The following ANKFN1 variants were observed in gnomAD, a reference collection of about 807,000 sequenced individuals.
ANKFN1 encodes ankyrin repeat and fibronectin type-III domain-containing protein 1.
Under a neutral mutation model 108.7 loss-of-function variants are expected in ANKFN1, and 74 were observed. The observed-to-expected ratio is 0.68, with a 90% CI of 0.56 to 0.83. The LOEUF (loss-of-function observed/expected upper bound fraction) is 0.83. Ranked by LOEUF, ANKFN1 falls within the 40% of genes least tolerant of loss-of-function variation. The pLI, the probability that ANKFN1 is intolerant of heterozygous loss-of-function variation, is 0.00. For missense variants in ANKFN1, 1,505 were observed against 1,382.3 expected, an observed-to-expected ratio of 1.09 and a Z score of -1.41; for synonymous variants, 547 against 516.2, an observed-to-expected ratio of 1.06 and a Z score of -0.81.
Position 56,420,557 on chromosome 17 carries a change from C to A in ANKFN1, c.911-19770C>A, listed in dbSNP as rs114518076. ...CTAGGGTGCAGGTAATTGTGCATAA[C>A]CCTGGATACATCAATAGGAATTCAG... On this transcript the variant is annotated intron_variant, in intron 8 of 20. Coordinates refer to ENST00000682825, the MANE Select transcript of ANKFN1 (RefSeq NM_001370326.1). Among the ~76,000 whole-genome samples the A allele has an allele frequency of 4.6e-3, 696 of 152,100 alleles. 5 individuals are homozygous for A. Among genetic ancestry groups the A allele is most frequent in the African/African-American group, 0.016 (652 of 41,472 alleles).
At chr17:56,187,934 G>A (rs1290176047) in intron 1 of ANKFN1, among the ~76,000 whole-genome samples, 1 of 152,046 alleles carries the variant, frequency 6.6e-6, no homozygotes, top group African/African-American at 2.4e-5. Context: ...GCCTGTCGTG[G>A]GGTAGGGGGT....
At chr17:56,470,306 T>C (rs879698000) in intron 15 of ANKFN1, among the ~76,000 whole-genome samples, 11 of 152,242 alleles carry the variant, frequency 7.2e-5, no homozygotes, top group Admixed American at 4.6e-4. Flanking sequence ...ATATACCCAG[T>C]AATGGGATTG....
chr17:56,183,005 A>G (rs4263004), intron 1 of ANKFN1, among the ~76,000 whole-genome samples: 72,421 of 152,038 alleles, frequency 0.48, 17,443 homozygotes, highest in South Asian at 0.64. Context: ...TTTTAAGCCC[A>G]CTATTGAAAC....
intron 4 of ANKFN1, among the ~76,000 whole-genome samples, chr17:56,349,460 G>A (rs1486267226): frequency 1.3e-5 from 2 of 151,954 alleles, no homozygotes; most frequent in Middle Eastern, 3.4e-3. Context: ...TAAAGTCAAG[G>A]CGAATCAAAG....
intron 4 of ANKFN1, among the ~76,000 whole-genome samples, chr17:56,338,768 A>C (rs1156692326): frequency 6.6e-6 from 1 of 152,096 alleles, no homozygotes; most frequent in Non-Finnish European, 1.5e-5. Flanking sequence ...CATATAGTGC[A>C]TTCAAACAGA....
At chr17:56,344,675 A>AG (rs555783421) in intron 4 of ANKFN1, among the ~76,000 whole-genome samples, 141 of 152,064 alleles carry the variant, frequency 9.3e-4, no homozygotes, top group Non-Finnish European at 1.8e-3. Flanking sequence ...AGAAAAAAAA[A>AG]CAACAGAAAA....
At chr17:56,473,204 A>C (rs1352289410) in intron 15 of ANKFN1, 4 of 152,222 alleles carry the variant, frequency 2.6e-5, no homozygotes, top group Non-Finnish European at 5.9e-5. Flanking sequence ...GTGAAACAAC[A>C]ATCAAAACAG....
intron 4 of ANKFN1, among the ~76,000 whole-genome samples, chr17:56,350,029 A>T (rs534474145): frequency 3.3e-5 from 5 of 152,296 alleles, no homozygotes; most frequent in African/African-American, 1.2e-4. Context: ...GGCATGGCTG[A>T]TCTGGAAACT....
At chr17:56,256,262 C>T (rs762683497) in intron 3 of ANKFN1, among the ~76,000 whole-genome samples, 39 of 152,242 alleles carry the variant, frequency 2.6e-4, no homozygotes, top group Non-Finnish European at 4.0e-4. Context: ...TTATTTTAAT[C>T]CCTTGTTTGT....
intron 4 of ANKFN1, among the ~76,000 whole-genome samples, chr17:56,064,603 G>A (rs1905031190): frequency 6.6e-6 from 1 of 152,238 alleles, no homozygotes; most frequent in African/African-American, 2.4e-5. Flanking sequence ...GAAAAGCACA[G>A]CCTGGAGCTA....
chr17:56,482,568 T>C, intron 18 of ANKFN1, 44 bp downstream of exon 18: 1 of 1,589,658 alleles, frequency 6.3e-7, no homozygotes, highest in Non-Finnish European at 8.6e-7. Flanking sequence ...CCAGCCTCCT[T>C]ATAATAAAAT....
chr17:56,459,025 T>G (rs1023516608), intron 14 of ANKFN1, among the ~76,000 whole-genome samples: 8 of 152,230 alleles, frequency 5.3e-5, no homozygotes, highest in African/African-American at 1.9e-4. Flanking sequence ...CTGTGATATA[T>G]TCCATTACAC....
intron 4 of ANKFN1, among the ~76,000 whole-genome samples, chr17:56,342,783 G>C (rs1416373555): frequency 6.6e-6 from 1 of 151,964 alleles, no homozygotes; most frequent in African/African-American, 2.4e-5. Context: ...TTCTGGGGTG[G>C]AGAGTTCTAT....
intron 18 of ANKFN1, among the ~76,000 whole-genome samples, chr17:56,490,221 G>T (rs1204372887): frequency 6.6e-6 from 1 of 152,188 alleles, no homozygotes; most frequent in Admixed American, 6.5e-5. Context: ...TAAGTGTCAT[G>T]AAATGTTTAG....
At chr17:56,414,412 T>A (rs2048181006) in intron 8 of ANKFN1, among the ~76,000 whole-genome samples, 1 of 152,126 alleles carries the variant, frequency 6.6e-6, no homozygotes, top group Non-Finnish European at 1.5e-5. Flanking sequence ...GTATTACACT[T>A]ATACTATAAC....
At chr17:56,199,454 C>T (rs1913847064) in intron 1 of ANKFN1, among the ~76,000 whole-genome samples, 1 of 152,122 alleles carries the variant, frequency 6.6e-6, no homozygotes. Context: ...TTCATTTCTG[C>T]TCTGGTTTTC....
At chr17:56,198,393 C>T (rs1409258925) in intron 1 of ANKFN1, among the ~76,000 whole-genome samples, 1 of 152,168 alleles carries the variant, frequency 6.6e-6, no homozygotes, top group East Asian at 1.9e-4. Context: ...GAATCTAATG[C>T]CGCTGCTGAT....
At chr17:56,462,810 C>T (rs1445279007) in intron 14 of ANKFN1, among the ~76,000 whole-genome samples, 19 of 152,156 alleles carry the variant, frequency 1.2e-4, no homozygotes, top group Admixed American at 1.2e-3. Context: ...TCTTGACAGC[C>T]TCCAATCCAC....
chr17:56,219,253 A>AT (rs35800121), intron 2 of ANKFN1, among the ~76,000 whole-genome samples: 145 of 148,980 alleles, frequency 9.7e-4, no homozygotes, highest in Middle Eastern at 3.6e-3. Context: ...TTGTTTGTTT[A>AT]TTTTTTTTTT....
Sources: gnomAD v4.1 joint callset for allele counts (sites outside exome capture counted in the v4.1 genomes callset) on GRCh38, gnomAD v4.1.1 for gene constraint, MANE v1.5 for transcripts, NCBI Gene and HGNC (gene_info 2026-07-23, HGNC 2026-07-21) for gene names.